Variants in ARHGAP5 observed in about 807,000 individuals in gnomAD.
The protein encoded by ARHGAP5 is Rho GTPase activating protein 5.
A neutral mutation model predicts 116.6 loss-of-function variants in ARHGAP5; 23 were observed. The observed-to-expected ratio is 0.20, with a 90% CI of 0.14 to 0.28. The LOEUF is 0.28. Among genes scored for constraint, ARHGAP5 ranks in the 10% least tolerant of loss-of-function variants. The pLI is 1.00. For synonymous variants in ARHGAP5, 574 were observed against 602.0 expected (o/e 0.95, Z 0.68); for missense variants, 1,405 against 1,774.8 (o/e 0.79, Z 3.74).
At chr14:32,104,710 T>C (rs184991078) in intron 2 of ARHGAP5, among the ~76,000 whole-genome samples, 48 of 152,360 alleles carry the variant, frequency 3.2e-4, no homozygotes, top group African/African-American at 8.7e-4. Context: ...AGGGCAGTTA[T>C]GGTTATCATT....
At chr14:32,078,635 A>G (rs986675068) in intron 1 of ARHGAP5, among the ~76,000 whole-genome samples, 5 of 152,126 alleles carry the variant, frequency 3.3e-5, no homozygotes, top group African/African-American at 1.2e-4. Flanking sequence ...GAGTTTGTCA[A>G]TTCCACTTAA....
chr14:32,128,967 T>C (rs1047507402), intron 3 of ARHGAP5, among the ~76,000 whole-genome samples: 3 of 152,252 alleles, frequency 2.0e-5, no homozygotes, highest in African/African-American at 4.8e-5. Context: ...CAGAATCTAC[T>C]GAGGCATTCC....
At chr14:32,152,810 G>C (rs181188458) in intron 6 of ARHGAP5, among the ~76,000 whole-genome samples, 14 of 152,202 alleles carry the variant, frequency 9.2e-5, no homozygotes, top group African/African-American at 3.1e-4. Context: ...TAACTAACCA[G>C]ATTGACCTAT....
At chr14:32,084,036 A>G (rs914829124) in intron 1 of ARHGAP5, among the ~76,000 whole-genome samples, 5 of 152,234 alleles carry the variant, frequency 3.3e-5, no homozygotes, top group South Asian at 2.1e-4. Context: ...TCTGTTTCCC[A>G]TACAGAAATG....
intron 2 of ARHGAP5, among the ~76,000 whole-genome samples, chr14:32,111,356 G>A (rs1261227928): frequency 1.3e-5 from 2 of 152,192 alleles, no homozygotes; most frequent in Non-Finnish European, 2.9e-5. Context: ...GACTAAAAAG[G>A]GGAGAGCAAG....
At chr14:32,133,826 A>T (rs981948500) in intron 3 of ARHGAP5, among the ~76,000 whole-genome samples, 2 of 152,214 alleles carry the variant, frequency 1.3e-5, no homozygotes, top group African/African-American at 4.8e-5. Context: ...CCTTTTCTGC[A>T]TCTATTGAGA....
intron 3 of ARHGAP5, among the ~76,000 whole-genome samples, chr14:32,123,252 A>G (rs1011855807): frequency 3.3e-5 from 5 of 151,778 alleles, no homozygotes; most frequent in African/African-American, 1.2e-4. Context: ...TTAGTTTATA[A>G]TTTTCGAATT....
chr14:32,148,163 A>AATCTATCTATCTATCTATCT (rs71441707), intron 4 of ARHGAP5, among the ~76,000 whole-genome samples: 5 of 147,552 alleles, frequency 3.4e-5, no homozygotes, highest in South Asian at 2.2e-4. Context: ...AAAAAAAAGA[A>AATCTATCTATCTATCTATCT]ATCTATCTAT....
intron 2 of ARHGAP5, among the ~76,000 whole-genome samples, chr14:32,109,125 T>TA (rs2139051981): frequency 6.6e-6 from 1 of 152,298 alleles, no homozygotes; most frequent in East Asian, 1.9e-4. Flanking sequence ...ACATATATAT[T>TA]ACTTAACTCT....
At chr14:32,152,260 G>A (rs1026665187) in intron 5 of ARHGAP5, among the ~76,000 whole-genome samples, 163 bp from the exon 6 acceptor site, 6 of 152,176 alleles carry the variant, frequency 3.9e-5, no homozygotes, top group African/African-American at 1.4e-4. Flanking sequence ...TGCCAAAAAG[G>A]CTGGGGACTG....
At chr14:32,084,152 G>GT (rs1165846070) in intron 1 of ARHGAP5, among the ~76,000 whole-genome samples, 5 of 152,150 alleles carry the variant, frequency 3.3e-5, no homozygotes, top group African/African-American at 1.2e-4. Flanking sequence ...TTTGGGAATA[G>GT]TTTTGGTCAT....
intron 1 of ARHGAP5, among the ~76,000 whole-genome samples, chr14:32,088,991 T>C (rs921697793): frequency 3.2e-4 from 48 of 152,082 alleles, no homozygotes; most frequent in African/African-American, 1.1e-3. Context: ...TGGTTTCTAC[T>C]TCCTTGTATT....
chr14:32,146,363 T>C, intron 4 of ARHGAP5, 23 bp downstream of exon 4: 1 of 1,545,638 alleles, frequency 6.5e-7, no homozygotes, highest in Non-Finnish European at 8.9e-7. Context: ...TTATGTGAAA[T>C]AAAAATTGTT....
rs778125543 is a variant in ARHGAP5, at chr14:32,117,117, A to G, written c.3718-23A>G. 5 of 1,552,608 alleles carry G rather than the reference A, an allele frequency of 3.2e-6. No individual in the cohort carries two copies. The South Asian group carries it at 4.7e-5, about 15-fold the overall frequency. The stretch of plus-strand genomic sequence containing the variant: ...TTCTGAAATTAATTTTAATAGTGTT[A>G]ACTTAAATATGTTTTCTTATAGCAG... On this transcript the variant is annotated intron_variant, in intron 2 of 6. Coordinates refer to ENST00000345122, the MANE Select transcript of ARHGAP5 (RefSeq NM_001030055.2).
At position 32,149,499 on chromosome 14, in the gene ARHGAP5, G is replaced by A. The variant is rs139525138; in HGVS notation, c.3944-403G>A. Among the ~76,000 whole-genome samples the A allele has an allele frequency of 1.9e-3, 282 of 152,260 alleles. 2 individuals are homozygous for A. The highest frequency in any genetic ancestry group is 6.5e-3 in the African/African-American group (269 of 41,556). On this transcript the variant is annotated intron_variant, in intron 4 of 6. Transcript: ENST00000345122. ...GAAAAGAAAAGTGGGGCCAGGCGCC[G>A]TGGCTCATGCCTGTAATTTCAGCAC...
In ARHGAP5 at chr14:32,093,828, A is replaced by G. The variant is rs1038035818; in HGVS notation, c.3159A>G (p.Lys1053=). 1.9e-6 allele frequency: 3 copies of G among 1,613,258 alleles called. No individual in the cohort carries two copies. Among genetic ancestry groups the G allele is most frequent in the East Asian group, 4.5e-5 (2 of 44,860 alleles). The change falls in exon 2 of 7, where the codon AAA becomes AAG. Residue 1053 remains lysine, a synonymous_variant. Transcript: ENST00000345122. ...TTGTACCTAAGACAAATGTGAAAAA[A>G]CTCGATCCAAACCTTTTAAAAACAA... is the stretch of plus-strand genomic sequence containing the variant. The part of the protein sequence containing the change: ...KPVVPKTNVK[K]LDPNLLKTIE...
rs192607371 is a variant in ARHGAP5, at chr14:32,126,218, G to A, written c.3865+8931G>A. Among the ~76,000 whole-genome samples, 286 of 142,408 alleles carry A rather than the reference G, an allele frequency of 2.0e-3. 7 individuals are homozygous for A. The East Asian group carries it at 0.05, about 25-fold the overall frequency. The allele number at this position is 142,408 out of a possible 152,430, so 93.4% of individuals were successfully genotyped here. A position where few individuals can be genotyped will look rare whatever the true frequency, so the allele number is the denominator to read the frequency against. On this transcript the variant is annotated intron_variant, in intron 3 of 6. Coordinates refer to ENST00000345122, the MANE Select transcript of ARHGAP5 (RefSeq NM_001030055.2). ...TTCATCATGGAGTATGATATCAGCT[G>A]TGGGTTTTTTTTGTTTGTTTGTTTT...
At chr14:32,119,338 T>G (rs1256385300) in intron 3 of ARHGAP5, among the ~76,000 whole-genome samples, 1 of 152,100 alleles carries the variant, frequency 6.6e-6, no homozygotes, top group Non-Finnish European at 1.5e-5. Context: ...ATTTTGCTGT[T>G]TATAGATCCT....
At chr14:32,138,913 T>C (rs1037205610) in intron 3 of ARHGAP5, among the ~76,000 whole-genome samples, 5 of 152,128 alleles carry the variant, frequency 3.3e-5, no homozygotes, top group African/African-American at 9.7e-5. Flanking sequence ...CATGAAAGGG[T>C]GATGAATTTT....
Sources: gnomAD v4.1 joint callset for allele counts (sites outside exome capture counted in the v4.1 genomes callset) on GRCh38, gnomAD v4.1.1 for gene constraint, MANE v1.5 for transcripts, NCBI Gene and HGNC (gene_info 2026-07-23, HGNC 2026-07-21) for gene names.